The following PHF3 variants were observed in gnomAD, a reference collection of about 807,000 sequenced individuals.
The protein encoded by PHF3 is PHD finger protein 3.
A neutral mutation model predicts 178.4 loss-of-function variants in PHF3; 41 were observed. The ratio of observed to expected loss-of-function variants is 0.23; its 90% confidence interval spans 0.18 to 0.30. The LOEUF is 0.30. PHF3 is among the 10% of genes least tolerant of loss of function. The probability of loss-of-function intolerance (pLI) is 1.00; values close to 1 mark genes in which losing one functional copy is unlikely to be tolerated. For synonymous variants in PHF3, 842 were observed against 800.5 expected, an observed-to-expected ratio of 1.05 and a Z score of -0.88; for missense variants, 2,346 against 2,398.1, an observed-to-expected ratio of 0.98 and a Z score of 0.45.
At chr6:63,668,233 A>C (rs942440801) in intron 2 of PHF3, among the ~76,000 whole-genome samples, 2 of 152,234 alleles carry the variant, frequency 1.3e-5, no homozygotes. Flanking sequence ...AAGAATGAAC[A>C]TTTCAGAGTT....
chr6:63,655,157 G>A (rs372763801), intron 2 of PHF3, among the ~76,000 whole-genome samples: 1 of 151,958 alleles, frequency 6.6e-6, no homozygotes, highest in Non-Finnish European at 1.5e-5. Context: ...TCCGCCTCCC[G>A]GGTTCAAGCA....
At position 63,680,021 on chromosome 6, in the gene PHF3, T is replaced by C. The variant is rs1766358416; in HGVS notation, c.266T>C (p.Met89Thr). The C allele has an allele frequency of 6.2e-7, 1 of 1,610,736 alleles. No individual in the cohort carries two copies. The highest frequency in any genetic ancestry group is 8.5e-7 in the Non-Finnish European group (1 of 1,178,622). Residue 89 changes from methionine (M) to threonine (T), a missense_variant, in exon 3 of 16, where the codon ATG (methionine) becomes ACG (threonine). Around this residue, in one of 8 missense-constraint regions of PHF3, gnomAD observed 843 missense variants for 795.2 expected, o/e 1.06. Coordinates refer to ENST00000262043, the MANE Select transcript of PHF3 (RefSeq NM_001370348.2). ...CSTVVGLDDI[M>T]DEGVVKESGN... ...CTAGTTGTTGGTCTTGACGATATTATGGATGAAGGAGTTGTTAAAGAAAGT... is the reference window on the plus strand; with the variant it reads ...CTAGTTGTTGGTCTTGACGATATTACGGATGAAGGAGTTGTTAAAGAAAGT...
chr6:63,642,773 G>A (rs1000591529), intron 1 of PHF3, among the ~76,000 whole-genome samples: 1 of 152,068 alleles, frequency 6.6e-6, no homozygotes, highest in Non-Finnish European at 1.5e-5. Context: ...AAATTTTAGT[G>A]TAAGAAACAG....
chr6:63,696,126 A>T (rs1420896087), intron 6 of PHF3, among the ~76,000 whole-genome samples: 1 of 152,174 alleles, frequency 6.6e-6, no homozygotes, highest in East Asian at 1.9e-4. Flanking sequence ...CTGATTTGGG[A>T]TGCTCCACTG....
chr6:63,665,086 T>C (rs1343510244), intron 2 of PHF3, among the ~76,000 whole-genome samples: 2 of 152,154 alleles, frequency 1.3e-5, no homozygotes, highest in Non-Finnish European at 2.9e-5. Context: ...ATTAAAAACA[T>C]TTTTTAAGTG....
In PHF3 at chr6:63,721,636, G is replaced by A; in HGVS notation, c.*7928G>A. On this transcript the variant is annotated 3_prime_UTR_variant, in exon 16 of 16. Transcript: ENST00000262043. ...TTTTCTGTTACATTTATCCCATCTA[G>A]ATCCAGGTAGCCTTCTGCACCAACT... 1 of 1,551,188 alleles carries A rather than the reference G, an allele frequency of 6.4e-7. No homozygotes were observed. Among genetic ancestry groups the A allele is most frequent in the South Asian group, 1.2e-5 (1 of 84,038 alleles).
rs1036719519 is a variant in PHF3, at chr6:63,716,653, C to T, written c.*2945C>T. On this transcript the variant is annotated 3_prime_UTR_variant, in exon 16 of 16. Transcript: ENST00000262043. The stretch of plus-strand genomic sequence containing the variant: ...GGTGTCAGCAAGATGCATTCATTTT[C>T]TGGAGACTTTCAGGGAGATTCCTTT... Among the ~76,000 whole-genome samples, 1 of 151,980 alleles carries T rather than the reference C, an allele frequency of 6.6e-6. No homozygotes were observed. Among genetic ancestry groups the T allele is most frequent in the African/African-American group, 2.4e-5 (1 of 41,380 alleles).
chr6:63,671,949 G>C (rs1765937067), intron 2 of PHF3, among the ~76,000 whole-genome samples: 1 of 152,082 alleles, frequency 6.6e-6, no homozygotes, highest in Non-Finnish European at 1.5e-5. Context: ...GTTTCACCAT[G>C]TTGGCCAGGA....
At chr6:63,711,459 C>T in intron 15 of PHF3, 97 bp downstream of exon 15, 1 of 1,339,146 alleles carries the variant, frequency 7.5e-7, no homozygotes, top group Non-Finnish European at 1.0e-6. Context: ...CAGGATCCAG[C>T]CCTCTAGAGA....
At chr6:63,657,190 G>A (rs114412847) in intron 2 of PHF3, among the ~76,000 whole-genome samples, 1,787 of 152,114 alleles carry the variant, frequency 0.012, 30 homozygotes, top group African/African-American at 0.041. Context: ...CACCTCTTTG[G>A]ATATTTCATT....
rs1240717449 is a variant in PHF3 at position 63,715,028 on chromosome 6, T to G, written c.*1320T>G. 6.6e-6 allele frequency: 1 copy of G among 152,168 alleles called. No homozygotes were observed. Among genetic ancestry groups the G allele is most frequent in the Non-Finnish European group, 1.5e-5 (1 of 68,002 alleles). 9.4% of individuals were successfully genotyped at this position (152,168 alleles called of 1,614,324 possible). ...CCAAAATACAAAAGAAAGAGAACTCTATTATTTACTTACCTGTATTAATGA... is the reference window on the plus strand; with the variant it reads ...CCAAAATACAAAAGAAAGAGAACTCGATTATTTACTTACCTGTATTAATGA... On this transcript the variant is annotated 3_prime_UTR_variant, in exon 16 of 16. Transcript: ENST00000262043.
intron 10 of PHF3, 147 bp from the exon 11 acceptor site, chr6:63,703,389 T>TAA (rs570572113): frequency 5.4e-6 from 4 of 743,270 alleles, no homozygotes; most frequent in East Asian, 3.1e-5. Flanking sequence ...TAAGAAATAG[T>TAA]AAAAAAAAAC....
chr6:63,640,623 G>C (rs1333463384), intron 1 of PHF3, among the ~76,000 whole-genome samples: 2 of 152,116 alleles, frequency 1.3e-5, no homozygotes, highest in African/African-American at 4.8e-5. Flanking sequence ...TTTTAGCTCT[G>C]TTCTTCCTGT....
At chr6:63,656,656 T>A (rs1765247670) in intron 2 of PHF3, among the ~76,000 whole-genome samples, 1 of 152,224 alleles carries the variant, frequency 6.6e-6, no homozygotes, top group African/African-American at 2.4e-5. Flanking sequence ...GCTTTACTGC[T>A]CTCCTTGATT....
intron 3 of PHF3, among the ~76,000 whole-genome samples, chr6:63,682,571 T>G (rs561671995): frequency 2.0e-5 from 3 of 152,150 alleles, no homozygotes; most frequent in African/African-American, 4.8e-5. Flanking sequence ...CATCATCTTT[T>G]CTTGATCTAT....
At chr6:63,650,007 T>C (rs1213247036) in intron 2 of PHF3, among the ~76,000 whole-genome samples, 2 of 152,246 alleles carry the variant, frequency 1.3e-5, no homozygotes, top group African/African-American at 4.8e-5. Context: ...CCTTTTTACA[T>C]TGACAGCTAA....
chr6:63,687,904 C>T (rs1184557708), intron 4 of PHF3, among the ~76,000 whole-genome samples: 1 of 152,132 alleles, frequency 6.6e-6, no homozygotes, highest in Non-Finnish European at 1.5e-5. Flanking sequence ...GGTTTACACT[C>T]TGTAATTGAT....
intron 2 of PHF3, among the ~76,000 whole-genome samples, chr6:63,653,868 T>C (rs931891072): frequency 6.6e-6 from 1 of 152,210 alleles, no homozygotes; most frequent in Non-Finnish European, 1.5e-5. Flanking sequence ...ACTTACGCTT[T>C]TCCTGTGTCT....
Position 63,711,777 on chromosome 6 carries a change from G to T in PHF3, c.4189G>T (p.Asp1397Tyr). 1.2e-6 allele frequency: 2 copies of T among 1,612,912 alleles called. No individual in the cohort carries two copies. Among genetic ancestry groups the T allele is most frequent in the South Asian group, 1.1e-5 (1 of 90,874 alleles). Residue 1397 changes from aspartate to tyrosine, a missense_variant, in exon 16 of 16, where the codon GAC becomes TAC. Asp to Tyr is a radical substitution (Grantham distance 160). This residue lies in a region of PHF3 where 839 missense variants were observed against 806.9 expected (regional missense o/e 1.04). Transcript: ENST00000262043. ...STEEAPEEENDFFNSFTTVLH... is the reference protein window; with the variant it reads ...STEEAPEEENYFFNSFTTVLH... The stretch of plus-strand genomic sequence containing the variant: ...AGAAGAAGCACCAGAGGAAGAAAAT[G>T]ACTTTTTTAATTCTTTTACAACTGT...
Sources: allele counts gnomAD v4.1 joint callset (sites outside exome capture counted in the v4.1 genomes callset), GRCh38; gene constraint gnomAD v4.1.1; regional missense constraint gnomAD v4.1.1; transcripts MANE v1.5; gene names NCBI Gene and HGNC (gene_info 2026-07-23, HGNC 2026-07-21).